DPH6: variants seen among roughly 807,000 people sequenced by gnomAD.
DPH6 encodes the protein diphthine--ammonia ligase.
In DPH6, 33 loss-of-function variants were observed where a neutral mutation model predicts 38.2. That is an observed-to-expected ratio of 0.86 (90% CI 0.65 to 1.15). DPH6 has a LOEUF of 1.15. Ranked by LOEUF, DPH6 falls within the 50% of genes most tolerant of loss-of-function variation. DPH6 has a pLI of 0.00. For missense variants in DPH6, 325 were observed against 320.0 expected, an observed-to-expected ratio of 1.02 and a Z score of -0.12; for synonymous variants, 108 against 103.0, an observed-to-expected ratio of 1.05 and a Z score of -0.30.
At chr15:35,409,010 G>C (rs1184219097) in intron 6 of DPH6, among the ~76,000 whole-genome samples, 1 of 151,918 alleles carries the variant, frequency 6.6e-6, no homozygotes, top group African/African-American at 2.4e-5. Flanking sequence ...AGGAGACAAA[G>C]AGAGCGAGAA....
At chr15:35,530,984 G>C (rs1595447422) in intron 3 of DPH6, among the ~76,000 whole-genome samples, 1 of 152,128 alleles carries the variant, frequency 6.6e-6, no homozygotes, top group African/African-American at 2.4e-5. Flanking sequence ...GGAACTGAAA[G>C]GGCTTGAGGC....
At chr15:35,365,934 C>G (rs2052654533), downstream of DPH6, 1 of 985,152 alleles carries the variant, frequency 1.0e-6, no homozygotes, top group African/African-American at 1.7e-5. Flanking sequence ...TGGTAAATAC[C>G]TTGCTCCATC....
intron 3 of DPH6, among the ~76,000 whole-genome samples, chr15:35,473,373 T>G (rs1225175116): frequency 6.6e-6 from 1 of 152,116 alleles, no homozygotes. Flanking sequence ...ATCCACATCA[T>G]TCAATTATGT....
At chr15:35,186,623 T>C in the DPH6 span, among the ~76,000 whole-genome samples, 1 of 152,378 alleles carries the variant, frequency 6.6e-6, no homozygotes, top group East Asian at 1.9e-4. Context: ...ATTGTCTTTA[T>C]TCCAAACATG....
intron 5 of DPH6, among the ~76,000 whole-genome samples, chr15:35,427,597 G>A (rs1225159685): frequency 6.6e-6 from 1 of 151,740 alleles, no homozygotes; most frequent in Non-Finnish European, 1.5e-5. Flanking sequence ...AACCTGCTAA[G>A]GTCAAATTGC....
the DPH6 span, among the ~76,000 whole-genome samples, chr15:35,200,272 G>C: frequency 6.6e-6 from 1 of 152,000 alleles, no homozygotes; most frequent in Non-Finnish European, 1.5e-5. Flanking sequence ...GGGGCAAAAT[G>C]GAATTCTGGC....
At chr15:35,509,387 A>C (rs958035690) in intron 3 of DPH6, among the ~76,000 whole-genome samples, 2 of 152,226 alleles carry the variant, frequency 1.3e-5, no homozygotes, top group African/African-American at 4.8e-5. Context: ...TTGCGACCTG[A>C]AAGATTATTT....
intron 6 of DPH6, among the ~76,000 whole-genome samples, chr15:35,383,827 G>A (rs2052904571): frequency 6.6e-6 from 1 of 152,130 alleles, no homozygotes. Context: ...CAGCTCAAAG[G>A]CCCTTTGATG....
At chr15:35,319,138 C>T (rs2052218107) in intron 3 of DPH6, among the ~76,000 whole-genome samples, 1 of 152,152 alleles carries the variant, frequency 6.6e-6, no homozygotes, top group Admixed American at 6.5e-5. Context: ...CACCAATCTT[C>T]AGGTCACTCT....
chr15:35,173,604 A>G, the DPH6 span, among the ~76,000 whole-genome samples: 150 of 151,418 alleles, frequency 9.9e-4, 1 homozygote, highest in Middle Eastern at 0.01. Flanking sequence ...ATTCTGGTCT[A>G]ATGTCCAAAC....
intron 6 of DPH6, among the ~76,000 whole-genome samples, chr15:35,395,245 C>T (rs531991234): frequency 3.3e-5 from 5 of 152,250 alleles, no homozygotes; most frequent in African/African-American, 1.2e-4. Context: ...TGTTCCACCT[C>T]TCCATCCCTA....
chr15:35,381,805 C>A lies in DPH6; in HGVS notation c.662+17G>T, dbSNP rs1481318427. The A allele has an allele frequency of 1.3e-6, 2 of 1,591,116 alleles. No homozygotes were observed. The highest frequency in any genetic ancestry group is 2.7e-5 in the African/African-American group (2 of 74,244). ...AAATTTATGGGAAAAAAAGAAAATG[C>A]TGAAATGATATCTTACACAATTATT... On this transcript the variant is annotated intron_variant, in intron 7 of 8. Transcript: ENST00000256538.
At chr15:35,499,182 T>C (rs547750765) in intron 3 of DPH6, among the ~76,000 whole-genome samples, 1 of 152,252 alleles carries the variant, frequency 6.6e-6, no homozygotes, top group South Asian at 2.1e-4. Context: ...TTAAATAAAC[T>C]TGTCCCTACT....
At chr15:35,410,964 C>T (rs966088046) in intron 5 of DPH6, 68 bp from the exon 6 acceptor site, 11 of 1,380,738 alleles carry the variant, frequency 8.0e-6, no homozygotes, top group Non-Finnish European at 9.0e-6. Flanking sequence ...CATTCCCCTT[C>T]CCTTGGCCCC....
the DPH6 span, among the ~76,000 whole-genome samples, chr15:35,158,259 GAACT>G: frequency 1.6e-4 from 24 of 152,060 alleles, no homozygotes; most frequent in Admixed American, 1.6e-3. Flanking sequence ...CCACTTGAAT[GAACT>G]AAGATTTTTG....
intron 3 of DPH6, among the ~76,000 whole-genome samples, chr15:35,499,675 C>CA (rs1484082340): frequency 6.6e-6 from 1 of 152,108 alleles, no homozygotes; most frequent in Non-Finnish European, 1.5e-5. Context: ...ATTAGGACAC[C>CA]AACAAATAAA....
intron 3 of DPH6, among the ~76,000 whole-genome samples, chr15:35,485,222 G>C (rs957636509): frequency 2.0e-5 from 3 of 152,202 alleles, no homozygotes; most frequent in African/African-American, 4.8e-5. Flanking sequence ...ATGGGTGGTA[G>C]AGAGAGAAGT....
intron 3 of DPH6, chr15:35,282,893 A>G: frequency 5.8e-6 from 2 of 347,254 alleles, no homozygotes; most frequent in Non-Finnish European, 1.2e-5. Context: ...GGGTTCCACC[A>G]TATAGATGTT....
the DPH6 span, among the ~76,000 whole-genome samples, chr15:35,151,356 T>C: frequency 6.6e-6 from 1 of 152,216 alleles, no homozygotes. Flanking sequence ...GAGTCTTTAT[T>C]TTTAACGAAT....
Sources: gnomAD v4.1 joint callset for allele counts (sites outside exome capture counted in the v4.1 genomes callset) on GRCh38, gnomAD v4.1.1 for gene constraint, MANE v1.5 for transcripts, NCBI Gene and HGNC (gene_info 2026-07-23, HGNC 2026-07-21) for gene names.